Variants in LRRN2 observed in about 807,000 individuals in gnomAD.
The protein encoded by LRRN2 is leucine rich repeat neuronal 2, also known as leucine-rich repeat neuronal protein 2.
Under a neutral mutation model 35.7 loss-of-function variants are expected in LRRN2, and 10 were observed. That is an observed-to-expected ratio of 0.28 (90% CI 0.17 to 0.47). The LOEUF (loss-of-function observed/expected upper bound fraction) is 0.47, where lower values mean the gene tolerates loss of function less well. LRRN2 is among the 20% of genes least tolerant of loss of function. The pLI is 0.99. For synonymous variants in LRRN2, 391 were observed against 409.6 expected (o/e 0.95, Z 0.55); for missense variants, 731 against 940.3 (o/e 0.78, Z 2.91).
intron 1 of LRRN2, among the ~76,000 whole-genome samples, chr1:204,649,151 C>G (rs1668171569): frequency 6.6e-6 from 1 of 152,240 alleles, no homozygotes; most frequent in Non-Finnish European, 1.5e-5. Flanking sequence ...GTGGCGGCGA[C>G]TCAAAGAGGT....
intron 1 of LRRN2, among the ~76,000 whole-genome samples, chr1:204,638,699 C>A (rs962786599): frequency 6.6e-6 from 1 of 152,138 alleles, no homozygotes; most frequent in East Asian, 1.9e-4. Context: ...CGTGAGCCAC[C>A]GCGCCCGGCC....
intron 1 of LRRN2, among the ~76,000 whole-genome samples, chr1:204,651,902 G>A (rs1278831531): frequency 6.6e-6 from 1 of 152,150 alleles, no homozygotes; most frequent in Admixed American, 6.5e-5. Flanking sequence ...TGCCTGCCCT[G>A]CCCCGAGGCT....
chr1:204,630,352 G>A lies in LRRN2; in HGVS notation c.-226-10134C>T, dbSNP rs560606788. 6.2e-4 allele frequency among the ~76,000 whole-genome samples: 94 copies of A among 152,270 alleles called. 1 individual carries two copies. Among genetic ancestry groups the A allele is most frequent in the Admixed American group, 2.2e-3 (34 of 15,302 alleles). On this transcript the variant is annotated intron_variant, in intron 1 of 1. Coordinates refer to ENST00000367177, the MANE Select transcript of LRRN2 (RefSeq NM_201630.2). ...CTGGTCGGAGGGGCTGGGCTCTGGC[G>A]GCTGAGGAGACAGGGAGGCAGAGAA...
chr1:204,630,426 G>A (rs945704356), intron 1 of LRRN2, among the ~76,000 whole-genome samples: 8 of 152,026 alleles, frequency 5.3e-5, no homozygotes, highest in Non-Finnish European at 7.4e-5. Context: ...CCCTTCTAAC[G>A]GAAAAGGAAA....
chr1:204,650,704 C>T (rs369499293), intron 1 of LRRN2, among the ~76,000 whole-genome samples: 24 of 152,320 alleles, frequency 1.6e-4, no homozygotes, highest in African/African-American at 5.5e-4. Flanking sequence ...AGTTCACTCA[C>T]TCATTCAACA....
At chr1:204,673,279 T>C (rs937877234) in intron 1 of LRRN2, among the ~76,000 whole-genome samples, 1 of 152,242 alleles carries the variant, frequency 6.6e-6, no homozygotes, top group Non-Finnish European at 1.5e-5. Context: ...AAATTATCCA[T>C]CACATTATTC....
At chr1:204,642,325 G>GA (rs1408738509) in intron 1 of LRRN2, among the ~76,000 whole-genome samples, 2 of 152,232 alleles carry the variant, frequency 1.3e-5, no homozygotes, top group African/African-American at 4.8e-5. Context: ...CTGGGACTGG[G>GA]AAGCCTTAGG....
intron 1 of LRRN2, among the ~76,000 whole-genome samples, chr1:204,631,256 C>CTCTCTATATATA (rs1667686456): frequency 2.7e-5 from 1 of 36,910 alleles, no homozygotes. Flanking sequence ...CTAGAGTGTT[C>CTCTCTATATATA]TATATATATA....
rs143922695 is a variant in LRRN2, at chr1:204,682,042, G to A, written c.-227+3278C>T. Among the ~76,000 whole-genome samples the A allele has an allele frequency of 2.0e-3, 311 of 152,200 alleles. 2 individuals are homozygous for A. The highest frequency in any genetic ancestry group is 6.7e-3 in the African/African-American group (279 of 41,530). ...CCCTGGAGTCCTTGTAGGCTTGAAA[G>A]CTTCTAGTCCCCATCCTTTATCTTG... is the stretch of plus-strand genomic sequence containing the variant. On this transcript the variant is annotated intron_variant, in intron 1 of 1. Transcript: ENST00000367177.
rs769207725 is a variant in LRRN2, at chr1:204,617,911, C to T, written c.2082G>A (p.Arg694=). 1 of 1,614,102 alleles carries T rather than the reference C, an allele frequency of 6.2e-7. No individual in the cohort carries two copies. Among genetic ancestry groups the T allele is most frequent in the Admixed American group, 1.7e-5 (1 of 60,030 alleles). ...CCCCTTCTGAGGATCTGGGCAGCTT[C>T]CTCCCTGGATTCCAGGGCAGGACGA... is the stretch of plus-strand genomic sequence containing the variant. ...APLVLPWNPG[R]KLPRSSEGET... The change falls in exon 2 of 2, where the codon AGG becomes AGA. Residue 694 remains arginine, a synonymous_variant. Transcript: ENST00000367177.
intron 1 of LRRN2, among the ~76,000 whole-genome samples, chr1:204,657,539 G>C (rs980527355): frequency 6.6e-6 from 1 of 151,910 alleles, no homozygotes; most frequent in Admixed American, 6.6e-5. Flanking sequence ...CAAATCTATA[G>C]AGACAGAAAG....
intron 1 of LRRN2, among the ~76,000 whole-genome samples, chr1:204,652,113 G>A (rs72753876): frequency 0.37 from 55,672 of 152,158 alleles, 12,607 homozygotes; most frequent in Admixed American, 0.47. Flanking sequence ...AAGCAGAGAA[G>A]ACAAAGGTTG....
intron 1 of LRRN2, among the ~76,000 whole-genome samples, chr1:204,684,780 C>G (rs1669031146): frequency 6.6e-6 from 1 of 152,158 alleles, no homozygotes; most frequent in Non-Finnish European, 1.5e-5. Flanking sequence ...AGGAGCCTAG[C>G]TCCTGGTTCC....
chr1:204,665,177 G>GA (rs1446527597), intron 1 of LRRN2, among the ~76,000 whole-genome samples: 22 of 149,506 alleles, frequency 1.5e-4, no homozygotes, highest in African/African-American at 4.7e-4. Flanking sequence ...GGACGTGAAA[G>GA]AAAAAAAAAG....
chr1:204,679,108 T>C (rs372578571), intron 1 of LRRN2, among the ~76,000 whole-genome samples: 3 of 152,258 alleles, frequency 2.0e-5, no homozygotes, highest in South Asian at 4.1e-4. Context: ...GCAATGTAGA[T>C]TCCACCATTC....
intron 1 of LRRN2, among the ~76,000 whole-genome samples, chr1:204,637,728 C>T (rs1488523197): frequency 6.7e-5 from 10 of 150,004 alleles, no homozygotes. Flanking sequence ...GTAGAGAGGA[C>T]TCCTCTGCGG....
At chr1:204,657,341 T>TACACACACACACACACACACACACAC (rs34779515) in intron 1 of LRRN2, among the ~76,000 whole-genome samples, 1 of 146,952 alleles carries the variant, frequency 6.8e-6, no homozygotes, top group African/African-American at 2.5e-5. Context: ...TATGTATATA[T>TACACACACACACACACACACACACAC]ACACACACAC....
At chr1:204,636,054 C>T (rs1667824418) in intron 1 of LRRN2, among the ~76,000 whole-genome samples, 1 of 152,178 alleles carries the variant, frequency 6.6e-6, no homozygotes, top group South Asian at 2.1e-4. Flanking sequence ...TTAATGTCAC[C>T]AGCCCCATCT....
Position 204,619,487 on chromosome 1 carries a change from C to T in LRRN2, c.506G>A (p.Arg169Gln), listed in dbSNP as rs376462478. The change falls in exon 2 of 2, where the codon CGG becomes CAG. Residue 169 changes from arginine (R) to glutamine (Q), a missense_variant. Arg to Gln is a conservative substitution (Grantham distance 43, BLOSUM62 1). This residue lies in a region of LRRN2 where 246 missense variants were observed against 289.5 expected (regional missense o/e 0.85). Coordinates refer to ENST00000367177, the MANE Select transcript of LRRN2 (RefSeq NM_201630.2). Reference protein sequence around the residue: ...RAFSGLSNLLRLHLNSNLLRA... With the variant: ...RAFSGLSNLLQLHLNSNLLRA... Reference sequence around the variant, plus strand: ...CAGGAGGTTGGAGTTGAGGTGCAGCCGCAGCAAGTTGCTGAGGCCAGAAAA... The same window carrying T: ...CAGGAGGTTGGAGTTGAGGTGCAGCTGCAGCAAGTTGCTGAGGCCAGAAAA... 15 of 1,614,088 alleles carry T rather than the reference C, an allele frequency of 9.3e-6. No homozygotes were observed. Among genetic ancestry groups the T allele is most frequent in the Middle Eastern group, 1.6e-4 (1 of 6,084 alleles).
Sources: allele counts gnomAD v4.1 joint callset (sites outside exome capture counted in the v4.1 genomes callset), GRCh38; gene constraint gnomAD v4.1.1; regional missense constraint gnomAD v4.1.1; transcripts MANE v1.5; gene names NCBI Gene and HGNC (gene_info 2026-07-23, HGNC 2026-07-21).